UNC13C: variants seen among roughly 807,000 people sequenced by gnomAD.
UNC13C encodes unc-13 homolog C.
UNC13C carries 174 observed loss-of-function variants against 245.4 expected under a neutral mutation model. That is an observed-to-expected ratio of 0.71 (90% CI 0.63 to 0.80). The LOEUF is 0.80. Among genes scored for constraint, UNC13C ranks in the 30% least tolerant of loss-of-function variants. The pLI is 0.00. For missense variants in UNC13C, 2,829 were observed against 2,602.9 expected, an observed-to-expected ratio of 1.09 and a Z score of -1.89; for synonymous variants, 992 against 895.1, an observed-to-expected ratio of 1.11 and a Z score of -1.93.
intron 1 of UNC13C, among the ~76,000 whole-genome samples, chr15:53,990,195 T>A (rs1056845917): frequency 2.6e-5 from 4 of 152,048 alleles, no homozygotes; most frequent in Non-Finnish European, 5.9e-5. Flanking sequence ...TAAAGGACTT[T>A]AAAAAATATA....
At chr15:54,317,751 A>G (rs1243798611) in intron 13 of UNC13C, among the ~76,000 whole-genome samples, 1 of 151,914 alleles carries the variant, frequency 6.6e-6, no homozygotes, top group African/African-American at 2.4e-5. Context: ...AGAACTTTTA[A>G]CATCCGTTCT....
At chr15:54,606,785 C>A (rs751329686) in intron 30 of UNC13C, among the ~76,000 whole-genome samples, 1 of 152,212 alleles carries the variant, frequency 6.6e-6, no homozygotes, top group African/African-American at 2.4e-5. Context: ...GTCAAACCCT[C>A]TGCTGTGCTC....
At chr15:54,332,661 T>C (rs66648766) in intron 15 of UNC13C, among the ~76,000 whole-genome samples, 39,638 of 151,878 alleles carry the variant, frequency 0.26, 5,869 homozygotes, top group Admixed American at 0.35. Flanking sequence ...TGTACATATG[T>C]GCATAAGTAT....
At chr15:54,087,258 A>G (rs989710884) in intron 2 of UNC13C, among the ~76,000 whole-genome samples, 3 of 152,184 alleles carry the variant, frequency 2.0e-5, no homozygotes, top group Non-Finnish European at 2.9e-5. Flanking sequence ...TAAAATTTAG[A>G]GAGCCCTTGG....
the UNC13C span, among the ~76,000 whole-genome samples, chr15:53,920,806 G>A: frequency 6.7e-6 from 1 of 150,134 alleles, no homozygotes; most frequent in Non-Finnish European, 1.5e-5. Context: ...GGGTAGAACA[G>A]TGACCAAAAA....
intron 2 of UNC13C, among the ~76,000 whole-genome samples, chr15:54,113,181 G>A (rs929928006): frequency 6.6e-6 from 1 of 151,958 alleles, no homozygotes; most frequent in African/African-American, 2.4e-5. Flanking sequence ...TGCATGTAAA[G>A]TCTGTCAATA....
At position 54,408,199 on chromosome 15, in the gene UNC13C, CAAAAAAAAAAAAAAAAA is replaced by C. The variant is rs71105808; in HGVS notation, c.4848-6769_4848-6753del. ...TGGGTGACAGAGTGAGACTCTGCCT[CAAAAAAAAAAAAAAAAA>C]AAAAAAAAAAAAACATGGGCAAGAA... On this transcript the variant is annotated intron_variant, in intron 18 of 32. Transcript: ENST00000260323. 3.4e-4 allele frequency among the ~76,000 whole-genome samples: 10 copies of C among 29,126 alleles called. 2 individuals are homozygous for C. In the East Asian group the frequency reaches 8.6e-3, roughly 25 times the overall value. The allele number at this position is 29,126 out of a possible 152,430, so 19.1% of individuals were successfully genotyped here.
intron 28 of UNC13C, among the ~76,000 whole-genome samples, chr15:54,552,292 T>C (rs910113149): frequency 7.6e-6 from 1 of 131,760 alleles, no homozygotes; most frequent in African/African-American, 2.8e-5. Flanking sequence ...GTATTATATA[T>C]AATTATATTG....
chr15:54,242,698 T>C (rs372060931), intron 7 of UNC13C, among the ~76,000 whole-genome samples: 1 of 152,210 alleles, frequency 6.6e-6, no homozygotes, highest in Non-Finnish European at 1.5e-5. Context: ...ATTTTAATGG[T>C]TCTTATTAAC....
chr15:54,203,048 T>C (rs1009372931), intron 4 of UNC13C, among the ~76,000 whole-genome samples: 1 of 151,208 alleles, frequency 6.6e-6, no homozygotes, highest in African/African-American at 2.4e-5. Context: ...ATGGCAAAAA[T>C]AAAAAAGGCC....
chr15:53,925,918 G>T, the UNC13C span, among the ~76,000 whole-genome samples: 2 of 152,134 alleles, frequency 1.3e-5, no homozygotes, highest in Admixed American at 6.5e-5. Flanking sequence ...TGCAGACAAG[G>T]CTTCCTTATC....
intron 2 of UNC13C, among the ~76,000 whole-genome samples, chr15:54,021,057 T>G (rs1157993706): frequency 6.6e-6 from 1 of 152,200 alleles, no homozygotes; most frequent in African/African-American, 2.4e-5. Context: ...GACAGTAACA[T>G]TTTTAATCGA....
chr15:54,227,555 C>T (rs1452195077), intron 4 of UNC13C, among the ~76,000 whole-genome samples: 1 of 152,170 alleles, frequency 6.6e-6, no homozygotes, highest in African/African-American at 2.4e-5. Context: ...ACCGAGGGGG[C>T]AGGGGGGTAG....
chr15:54,163,925 G>A (rs1225999674), intron 4 of UNC13C, among the ~76,000 whole-genome samples: 1 of 152,132 alleles, frequency 6.6e-6, no homozygotes, highest in Non-Finnish European at 1.5e-5. Flanking sequence ...TGAATTTATG[G>A]GATGAATAAG....
the UNC13C span, among the ~76,000 whole-genome samples, chr15:53,838,313 C>G: frequency 6.6e-6 from 1 of 151,954 alleles, no homozygotes; most frequent in Non-Finnish European, 1.5e-5. Flanking sequence ...TTCATTCATT[C>G]CTTTATATTT....
intron 4 of UNC13C, among the ~76,000 whole-genome samples, chr15:54,166,635 G>C (rs1360918998): frequency 6.6e-6 from 1 of 152,006 alleles, no homozygotes; most frequent in Non-Finnish European, 1.5e-5. Flanking sequence ...ACAATTACTT[G>C]AACTAATAGT....
At position 53,988,591 on chromosome 15, in the gene UNC13C, A is replaced by T. The variant is rs138259557; in HGVS notation, c.-257+9664A>T. ...TTATAAGATTTAGTATTGCAACAGG[A>T]ATGGTCTGCTAGGGAGGATTTGGAA... On this transcript the variant is annotated intron_variant, in intron 1 of 32. Transcript: ENST00000260323. 1.9e-3 allele frequency among the ~76,000 whole-genome samples: 283 copies of T among 151,968 alleles called. 2 individuals carry two copies. The highest frequency in any genetic ancestry group is 6.6e-3 in the African/African-American group (274 of 41,484).
intron 8 of UNC13C, among the ~76,000 whole-genome samples, chr15:54,252,095 A>C (rs1301612523): frequency 6.6e-6 from 1 of 152,222 alleles, no homozygotes; most frequent in Non-Finnish European, 1.5e-5. Flanking sequence ...ACTGTTTAAA[A>C]AGTGAATTGC....
At chr15:54,109,932 A>T (rs1266915573) in intron 2 of UNC13C, among the ~76,000 whole-genome samples, 2 of 152,100 alleles carry the variant, frequency 1.3e-5, no homozygotes, top group African/African-American at 4.8e-5. Context: ...AAGGAAGAAG[A>T]GGCCTATTTT....
Sources: allele counts gnomAD v4.1 joint callset (sites outside exome capture counted in the v4.1 genomes callset), GRCh38; gene constraint gnomAD v4.1.1; transcripts MANE v1.5; gene names NCBI Gene and HGNC (gene_info 2026-07-23, HGNC 2026-07-21).